PTGES3: variants seen among roughly 807,000 people sequenced by gnomAD.
The protein encoded by PTGES3 is Hsp90 co-chaperone.
Under a neutral mutation model 29.9 loss-of-function variants are expected in PTGES3, and 5 were observed. That is an observed-to-expected ratio of 0.17 (90% CI 0.09 to 0.35). The LOEUF is 0.35. Among genes scored for constraint, PTGES3 ranks in the 10% least tolerant of loss-of-function variants. The pLI is 1.00. For missense variants in PTGES3, 128 were observed against 190.0 expected (o/e 0.67, Z 1.92); for synonymous variants, 49 against 57.8 (o/e 0.85, Z 0.69).
intron 1 of PTGES3, among the ~76,000 whole-genome samples, chr12:56,675,582 A>G (rs927460657): frequency 1.3e-4 from 19 of 151,778 alleles, no homozygotes; most frequent in African/African-American, 3.9e-4. Context: ...GCAAAGCTGA[A>G]TATTTACTGG....
intron 1 of PTGES3, among the ~76,000 whole-genome samples, chr12:56,673,484 G>A (rs1189357317): frequency 8.1e-5 from 3 of 36,824 alleles, no homozygotes; most frequent in Non-Finnish European, 6.6e-5. Context: ...ATACAAATAC[G>A]GAAAAAAAAA....
chr12:56,676,145 GGGAGGT>G (rs1203507147), intron 1 of PTGES3, among the ~76,000 whole-genome samples: 6 of 138,406 alleles, frequency 4.3e-5, no homozygotes, highest in East Asian at 4.2e-4. Flanking sequence ...GAGGGGGAGG[GGGAGGT>G]GGAGGTGGAG....
At chr12:56,679,959 G>A (rs1198562899) in intron 1 of PTGES3, among the ~76,000 whole-genome samples, 2 of 151,824 alleles carry the variant, frequency 1.3e-5, no homozygotes, top group Non-Finnish European at 2.9e-5. Flanking sequence ...ACAGGCATGA[G>A]CCACCGCACC....
At chr12:56,678,241 G>C (rs1952360472) in intron 1 of PTGES3, among the ~76,000 whole-genome samples, 1 of 152,104 alleles carries the variant, frequency 6.6e-6, no homozygotes, top group Admixed American at 6.6e-5. Flanking sequence ...GCAGTGGCGT[G>C]ATCTCGGCTC....
chr12:56,672,837 A>T, intron 2 of PTGES3, 28 bp from the exon 3 acceptor site: 3 of 1,561,846 alleles, frequency 1.9e-6, no homozygotes, highest in Non-Finnish European at 2.6e-6. Context: ...GAAAGAATTA[A>T]GCCTCTTCAA....
intron 5 of PTGES3, 26 bp downstream of exon 5, chr12:56,670,249 G>A (rs1951952182): frequency 1.3e-6 from 2 of 1,492,774 alleles, no homozygotes; most frequent in African/African-American, 1.4e-5. Context: ...CTTCGAATGG[G>A]GAGAGGTCCA....
rs1164442131 is a variant in PTGES3, at chr12:56,672,802, C to T, written c.124G>A (p.Gly42Arg). The change falls in exon 3 of 8, where the codon GGA becomes AGA. Residue 42 changes from glycine to arginine, a missense_variant. By Grantham distance (125) the Gly-to-Arg change is moderately radical (BLOSUM62 -2). Coordinates refer to ENST00000262033, the MANE Select transcript of PTGES3 (RefSeq NM_006601.7). The stretch of plus-strand genomic sequence containing the variant: ...AAATGCTTAAAATTATCACTTCCTC[C>T]GAGACAACTGTATAAAATAATAAAG... ...EKSKLTFSCL[G>R]GSDNFKHLNE... is the part of the protein sequence containing the mutation. 8.2e-6 allele frequency: 13 copies of T among 1,583,612 alleles called. No individual in the cohort carries two copies. The highest frequency in any genetic ancestry group is 3.7e-5 in the Admixed American group (2 of 54,016).
intron 1 of PTGES3, chr12:56,687,174 G>T: frequency 9.6e-7 from 1 of 1,036,962 alleles, no homozygotes; most frequent in Non-Finnish European, 1.2e-6. Context: ...AAGATCTTTG[G>T]GACGACTGTA....
chr12:56,669,712 A>G, intron 5 of PTGES3, among the ~76,000 whole-genome samples: 1 of 152,226 alleles, frequency 6.6e-6, no homozygotes, highest in East Asian at 1.9e-4. Flanking sequence ...CCAGCGTTCA[A>G]GCAATTCCCG....
intron 7 of PTGES3, 80 bp from the exon 8 acceptor site, chr12:56,664,578 CA>C: frequency 6.8e-7 from 1 of 1,480,526 alleles, no homozygotes; most frequent in Non-Finnish European, 9.2e-7. Flanking sequence ...GAAAAGCAAC[CA>C]AAAATCGAAA....
chr12:56,669,653 CCAGG>C lies in PTGES3; in HGVS notation c.375+618_375+621del, dbSNP rs1565861983. On this transcript the variant is annotated intron_variant, in intron 5 of 7. Transcript: ENST00000262033. ...TATTTGACCGAGTCCCGCTCTTTCG[CCAGG>C]CTGGAGTCCAGTGGCACGATCTCGG... 2.0e-5 allele frequency among the ~76,000 whole-genome samples: 3 copies of C among 152,044 alleles called. No individual in the cohort carries two copies. In the South Asian group the frequency reaches 6.2e-4, roughly 32 times the overall value.
At chr12:56,665,980 T>C (rs1951768661) in intron 6 of PTGES3, 8 of 1,272,026 alleles carry the variant, frequency 6.3e-6, no homozygotes, top group Non-Finnish European at 8.0e-6. Context: ...ACAATGATTC[T>C]TTGGAAATCT....
intron 1 of PTGES3, among the ~76,000 whole-genome samples, chr12:56,674,570 T>C (rs947252335): frequency 7.2e-5 from 11 of 151,924 alleles, no homozygotes; most frequent in Admixed American, 3.9e-4. Context: ...CTCACGCCCA[T>C]AATCCCAGCA....
chr12:56,665,371 T>C (rs1357559708), intron 6 of PTGES3: 4 of 913,210 alleles, frequency 4.4e-6, no homozygotes, highest in African/African-American at 1.8e-5. Context: ...TCCGGCTCAC[T>C]GCAACCTCTG....
In PTGES3 at chr12:56,686,210, ATATGTTGTTTG is replaced by A. The variant is rs770017590; in HGVS notation, c.2+1777_2+1787del. On this transcript the variant is annotated intron_variant, in intron 1 of 7. Transcript: ENST00000262033. ...TTTTAAACATACTTTTCGCGAAAAG[ATATGTTGTTTG>A]GCTCTATTATTAAAAGCTGCTTAAT... 6.4e-4 allele frequency among the ~76,000 whole-genome samples: 97 copies of A among 152,224 alleles called. 1 individual carries two copies. Among genetic ancestry groups the A allele is most frequent in the Middle Eastern group, 3.4e-3 (1 of 292 alleles).
chr12:56,688,095 T>C lies in PTGES3; in HGVS notation c.-96A>G. On this transcript the variant is annotated 5_prime_UTR_variant, in exon 1 of 8. Coordinates refer to ENST00000262033, the MANE Select transcript of PTGES3 (RefSeq NM_006601.7). Reference sequence around the variant, plus strand: ...GACTTCTCTCCGGTGGCGACTCCGCTTTTTCTCTCCGGTCGCGGCCTCTTC... The same window carrying C: ...GACTTCTCTCCGGTGGCGACTCCGCCTTTTCTCTCCGGTCGCGGCCTCTTC... The C allele has an allele frequency of 7.0e-7, 1 of 1,435,256 alleles. No individual in the cohort carries two copies. Among genetic ancestry groups the C allele is most frequent in the Non-Finnish European group, 9.1e-7 (1 of 1,094,420 alleles). The allele number at this position is 1,435,256 out of a possible 1,614,324, so 88.9% of individuals were successfully genotyped here.
intron 1 of PTGES3, among the ~76,000 whole-genome samples, chr12:56,676,233 A>C (rs1365161462): frequency 0.05 from 2,056 of 40,934 alleles, 20 homozygotes; most frequent in African/African-American, 0.16. Flanking sequence ...CTCCCCCCCC[A>C]AAAAAAAAAA....
chr12:56,664,738 A>G, intron 7 of PTGES3, 38 bp downstream of exon 7: 2 of 1,567,310 alleles, frequency 1.3e-6, no homozygotes, highest in East Asian at 4.5e-5. Flanking sequence ...TTTGATGCAA[A>G]GTATCACTGT....
chr12:56,666,447 A>C (rs563741985), intron 5 of PTGES3, among the ~76,000 whole-genome samples, 181 bp from the exon 6 acceptor site: 1 of 152,314 alleles, frequency 6.6e-6, no homozygotes, highest in South Asian at 2.1e-4. Flanking sequence ...AAATCCTAAA[A>C]ACCCATATGG....
Sources: allele counts gnomAD v4.1 joint callset (sites outside exome capture counted in the v4.1 genomes callset), GRCh38; gene constraint gnomAD v4.1.1; transcripts MANE v1.5; gene names NCBI Gene and HGNC (gene_info 2026-07-23, HGNC 2026-07-21).